TUSC3: variants seen among roughly 807,000 people sequenced by gnomAD.
TUSC3 encodes the protein dolichyl-diphosphooligosaccharide--protein glycosyltransferase subunit TUSC3.
Under a neutral mutation model 44.8 loss-of-function variants are expected in TUSC3, and 45 were observed. The observed-to-expected ratio is 1.00, with a 90% confidence interval of 0.79 to 1.29. The LOEUF is 1.29. Among genes scored for constraint, TUSC3 ranks in the 50% most tolerant of loss-of-function variants. The pLI is 0.00. For synonymous variants in TUSC3, 212 were observed against 152.9 expected (o/e 1.39, Z -2.85); for missense variants, 519 against 437.9 (o/e 1.19, Z -1.65).
intron 6 of TUSC3, among the ~76,000 whole-genome samples, chr8:15,717,806 A>G (rs1336166811): frequency 2.0e-5 from 3 of 152,132 alleles, no homozygotes. Context: ...CCTCTCAAGA[A>G]GAAAAATACT....
At chr8:15,430,801 G>A (rs1462667472) in intron 1 of TUSC3, among the ~76,000 whole-genome samples, 4 of 151,728 alleles carry the variant, frequency 2.6e-5, no homozygotes, top group African/African-American at 9.8e-5. Context: ...CAAAACCAAT[G>A]TGCAAAAATC....
At chr8:15,573,557 C>G (rs1390918098) in intron 1 of TUSC3, among the ~76,000 whole-genome samples, 1 of 151,934 alleles carries the variant, frequency 6.6e-6, no homozygotes, top group East Asian at 1.9e-4. Flanking sequence ...CTTCCCCCCT[C>G]ATCCCTTGAG....
At chr8:15,605,776 G>C (rs1275138437) in intron 1 of TUSC3, among the ~76,000 whole-genome samples, 3 of 152,012 alleles carry the variant, frequency 2.0e-5, no homozygotes, top group Non-Finnish European at 4.4e-5. Context: ...ACCACTTGCA[G>C]TTGAGGGAAA....
chr8:15,507,249 A>G (rs1801069138), intron 2 of TUSC3, among the ~76,000 whole-genome samples: 2 of 152,150 alleles, frequency 1.3e-5, no homozygotes. Context: ...ACATTTAAAA[A>G]CATGGTTTGT....
At chr8:15,709,309 A>G (rs1809746169) in intron 6 of TUSC3, among the ~76,000 whole-genome samples, 1 of 151,942 alleles carries the variant, frequency 6.6e-6, no homozygotes, top group Non-Finnish European at 1.5e-5. Context: ...AGAAAATAAA[A>G]AAGATTGGAG....
At chr8:15,683,528 A>T (rs971341192) in intron 6 of TUSC3, among the ~76,000 whole-genome samples, 1 of 151,892 alleles carries the variant, frequency 6.6e-6, no homozygotes, top group Admixed American at 6.6e-5. Context: ...TCTTTGTTGT[A>T]TTTCAAATTT....
the TUSC3 span, among the ~76,000 whole-genome samples, chr8:15,813,392 A>ACAAAC: frequency 1.4e-5 from 2 of 138,922 alleles, no homozygotes; most frequent in East Asian, 2.3e-4. Flanking sequence ...AAACAAACAA[A>ACAAAC]AAAAAAAACA....
chr8:15,843,100 A>G, the TUSC3 span, among the ~76,000 whole-genome samples: 1 of 152,188 alleles, frequency 6.6e-6, no homozygotes, highest in Admixed American at 6.5e-5. Flanking sequence ...TCACTGCAAA[A>G]TAACAGAATT....
At chr8:15,636,415 G>C (rs1357741009) in intron 2 of TUSC3, among the ~76,000 whole-genome samples, 2 of 152,152 alleles carry the variant, frequency 1.3e-5, no homozygotes, top group African/African-American at 4.8e-5. Flanking sequence ...CACAAGGAAA[G>C]CCTGGTGGAC....
chr8:15,654,333 G>A (rs957383062), intron 3 of TUSC3, among the ~76,000 whole-genome samples: 8 of 152,116 alleles, frequency 5.3e-5, no homozygotes, highest in African/African-American at 1.9e-4. Context: ...ACTGGTAACT[G>A]TGTGCTTTGT....
At chr8:15,783,112 T>C in the TUSC3 span, among the ~76,000 whole-genome samples, 3 of 152,144 alleles carry the variant, frequency 2.0e-5, no homozygotes, top group Non-Finnish European at 1.5e-5. Flanking sequence ...TACAATAGCA[T>C]TTAAAAAGTA....
At chr8:15,462,731 G>A (rs1800361576) in intron 1 of TUSC3, among the ~76,000 whole-genome samples, 1 of 152,040 alleles carries the variant, frequency 6.6e-6, no homozygotes, top group Non-Finnish European at 1.5e-5. Context: ...CTGTTTTCCA[G>A]TCTGACAATT....
At chr8:15,623,615 G>T (rs951482716) in intron 2 of TUSC3, among the ~76,000 whole-genome samples, 39 of 151,556 alleles carry the variant, frequency 2.6e-4, no homozygotes, top group African/African-American at 8.5e-4. Context: ...ATCTAGTGTA[G>T]CCCATTTAAT....
At chr8:15,659,383 T>G (rs574947218) in intron 3 of TUSC3, 124 bp from the exon 4 acceptor site, 6 of 1,274,678 alleles carry the variant, frequency 4.7e-6, no homozygotes, top group African/African-American at 4.5e-5. Flanking sequence ...AATTTACCTC[T>G]GGAAAACCAC....
intron 2 of TUSC3, among the ~76,000 whole-genome samples, chr8:15,484,202 A>G (rs1403932010): frequency 6.6e-6 from 1 of 152,130 alleles, no homozygotes. Flanking sequence ...ATTTACATGC[A>G]CTTATGCAAC....
chr8:15,547,628 A>G (rs112848784), intron 1 of TUSC3, among the ~76,000 whole-genome samples: 129 of 148,728 alleles, frequency 8.7e-4, no homozygotes, highest in Middle Eastern at 3.5e-3. Context: ...CACAAAATTT[A>G]TAGGTTGAAA....
At chr8:15,588,400 C>T (rs1803684164) in intron 1 of TUSC3, among the ~76,000 whole-genome samples, 1 of 151,858 alleles carries the variant, frequency 6.6e-6, no homozygotes, top group African/African-American at 2.4e-5. Flanking sequence ...CATTTTAGTA[C>T]TAGATTATTT....
chr8:15,613,928 A>G (rs184253998), intron 1 of TUSC3, among the ~76,000 whole-genome samples: 1 of 151,990 alleles, frequency 6.6e-6, no homozygotes, highest in Non-Finnish European at 1.5e-5. Flanking sequence ...GGCCTTTGAG[A>G]TCTAATTTAG....
At chr8:15,648,950 T>G (rs1329316675) in intron 2 of TUSC3, among the ~76,000 whole-genome samples, 1 of 151,944 alleles carries the variant, frequency 6.6e-6, no homozygotes, top group Non-Finnish European at 1.5e-5. Context: ...AAAGTCCCTT[T>G]TCTCTGACCC....
Sources: gnomAD v4.1 joint callset for allele counts (sites outside exome capture counted in the v4.1 genomes callset) on GRCh38, gnomAD v4.1.1 for gene constraint, MANE v1.5 for transcripts, NCBI Gene and HGNC (gene_info 2026-07-23, HGNC 2026-07-21) for gene names.